Variants in CACNA1C observed in about 807,000 individuals in gnomAD.
The protein encoded by CACNA1C is calcium voltage-gated channel subunit alpha1 C, also known as voltage-dependent L-type calcium channel subunit alpha-1C.
A neutral mutation model predicts 229.0 loss-of-function variants in CACNA1C; 30 were observed. The observed-to-expected ratio is 0.13, with a 90% CI of 0.10 to 0.18. The LOEUF (loss-of-function observed/expected upper bound fraction) is 0.18, where lower values mean the gene tolerates loss of function less well. CACNA1C is among the 10% of genes least tolerant of loss of function. The pLI is 1.00. For missense variants in CACNA1C, 1,658 were observed against 2,845.0 expected (o/e 0.58, Z 9.49); for synonymous variants, 1,114 against 1,132.5 (o/e 0.98, Z 0.33).
chr12:2,267,597 G>A (rs1433446377), intron 3 of CACNA1C, among the ~76,000 whole-genome samples: 1 of 152,178 alleles, frequency 6.6e-6, no homozygotes, highest in Non-Finnish European at 1.5e-5. Flanking sequence ...GGCTGAGAGG[G>A]AGAAAGAACC....
rs1203708660 is a variant in CACNA1C at position 2,695,203 on chromosome 12, A to G, written c.*4004A>G. 1 of 152,188 alleles carries G rather than the reference A, an allele frequency of 6.6e-6. No homozygotes were observed. The highest frequency in any genetic ancestry group is 6.5e-5 in the Admixed American group (1 of 15,286). The allele number at this position is 152,188 out of a possible 1,614,324, so 9.4% of individuals were successfully genotyped here. On this transcript the variant is annotated 3_prime_UTR_variant, in exon 47 of 47. Coordinates refer to ENST00000399655, the MANE Select transcript of CACNA1C (RefSeq NM_000719.7). ...AGGAGAATGGAGGCAAGAAAAGGGC[A>G]TATTTTGACTCCCTCTGTGCCTCTT... is the stretch of plus-strand genomic sequence containing the variant.
At chr12:2,136,054 G>A (rs931936819) in intron 3 of CACNA1C, among the ~76,000 whole-genome samples, 12 of 150,948 alleles carry the variant, frequency 7.9e-5, no homozygotes, top group African/African-American at 1.9e-4. Flanking sequence ...TATTCGGGTG[G>A]GAGTGACCCA....
At chr12:2,167,431 G>C (rs2096283614) in intron 3 of CACNA1C, among the ~76,000 whole-genome samples, 1 of 152,192 alleles carries the variant, frequency 6.6e-6, no homozygotes, top group Admixed American at 6.5e-5. Context: ...TTATATTCTA[G>C]ACATTGTTGA....
rs538035675 is a variant in CACNA1C, at chr12:2,135,833, A to C, written c.477+15403A>C. On this transcript the variant is annotated intron_variant, in intron 3 of 46. Transcript: ENST00000399655. The stretch of plus-strand genomic sequence containing the variant: ...GCCTCCTTGAGCTGTGGTAGGCTCC[A>C]CCCAGTTCGAGCTTCCCGGCTGCTT... Among the ~76,000 whole-genome samples, 479 of 145,698 alleles carry C rather than the reference A, an allele frequency of 3.3e-3. 27 individuals are homozygous for C. Among genetic ancestry groups the C allele is most frequent in the East Asian group, 5.9e-3 (30 of 5,068 alleles).
chr12:2,038,171 T>G (rs773442922), intron 1 of CACNA1C, among the ~76,000 whole-genome samples: 1 of 152,210 alleles, frequency 6.6e-6, no homozygotes, highest in Non-Finnish European at 1.5e-5. Context: ...ATAATTCCTA[T>G]GAAGCTGTTA....
At chr12:2,024,088 G>A (rs2046919718) in intron 1 of CACNA1C, among the ~76,000 whole-genome samples, 1 of 152,148 alleles carries the variant, frequency 6.6e-6, no homozygotes, top group Admixed American at 6.5e-5. Flanking sequence ...GTTGAGCTTG[G>A]GTTTCCTTCT....
chr12:2,007,504 T>C (rs1490369232), intron 1 of CACNA1C, among the ~76,000 whole-genome samples: 2 of 152,264 alleles, frequency 1.3e-5, no homozygotes, highest in African/African-American at 2.4e-5. Context: ...TCATGATTTA[T>C]TATTGCTTCT....
Position 2,695,849 on chromosome 12 carries a change from G to A in CACNA1C, c.*4650G>A, listed in dbSNP as rs1191288627. The A allele has an allele frequency of 1.3e-5, 2 of 152,152 alleles. No individual in the cohort carries two copies. The highest frequency in any genetic ancestry group is 2.4e-5 in the African/African-American group (1 of 41,426). 9.4% of individuals were successfully genotyped at this position (152,152 alleles called of 1,614,324 possible). A position where few individuals can be genotyped will look rare whatever the true frequency, so the allele number is the denominator to read the frequency against. ...CCAGATACCAATACAACAGGTGAACGGGTTTCTGCCACATCTCTACATTGA... is the reference window on the plus strand; with the variant it reads ...CCAGATACCAATACAACAGGTGAACAGGTTTCTGCCACATCTCTACATTGA... On this transcript the variant is annotated 3_prime_UTR_variant, in exon 47 of 47. Coordinates refer to ENST00000399655, the MANE Select transcript of CACNA1C (RefSeq NM_000719.7).
chr12:2,194,719 C>T (rs898251474), intron 3 of CACNA1C, among the ~76,000 whole-genome samples: 63 of 152,210 alleles, frequency 4.1e-4, no homozygotes, highest in African/African-American at 1.3e-3. Context: ...TCCAGCAGCT[C>T]GATCCATCTT....
chr12:2,448,895 T>A (rs1462298233), intron 3 of CACNA1C, 81 bp from the exon 4 acceptor site: 5 of 1,212,482 alleles, frequency 4.1e-6, no homozygotes, highest in African/African-American at 1.5e-5. Context: ...TCCACCTACT[T>A]GTGAGATCTA....
chr12:2,658,114 C>T (rs1241604009), intron 34 of CACNA1C, among the ~76,000 whole-genome samples: 7 of 152,068 alleles, frequency 4.6e-5, no homozygotes, highest in Non-Finnish European at 7.4e-5. Flanking sequence ...CAGACTTGAA[C>T]TTATCGAGTT....
intron 34 of CACNA1C, among the ~76,000 whole-genome samples, chr12:2,655,656 C>T (rs999433033): frequency 2.0e-5 from 3 of 152,174 alleles, no homozygotes; most frequent in Non-Finnish European, 4.4e-5. Context: ...CCGTGCTGGG[C>T]GCTTATGTCC....
intron 3 of CACNA1C, among the ~76,000 whole-genome samples, chr12:2,174,138 G>A (rs893928015): frequency 6.6e-5 from 10 of 152,118 alleles, no homozygotes; most frequent in Admixed American, 5.2e-4. Flanking sequence ...AGGGACATGT[G>A]TGGCTTTGCA....
intron 1 of CACNA1C, among the ~76,000 whole-genome samples, chr12:2,008,992 C>T (rs1370708717): frequency 6.6e-6 from 1 of 152,114 alleles, no homozygotes; most frequent in African/African-American, 2.4e-5. Context: ...GTTGCAGGCT[C>T]GATATTAGTA....
Position 2,152,467 on chromosome 12 carries a change from C to T in CACNA1C, c.477+32037C>T, listed in dbSNP as rs568618728. The stretch of plus-strand genomic sequence containing the variant: ...GGCGTGTTGCCGTCATGGTGAGGAG[C>T]CATTTCATATCATGCAGACTAAAAG... On this transcript the variant is annotated intron_variant, in intron 3 of 46. Coordinates refer to ENST00000399655, the MANE Select transcript of CACNA1C (RefSeq NM_000719.7). The surrounding 1 kb of genome is among the most constrained non-coding windows in gnomAD (Gnocchi z 4.2). Among the ~76,000 whole-genome samples the T allele has an allele frequency of 1.3e-5, 2 of 152,278 alleles. No individual in the cohort carries two copies.
chr12:2,614,385 G>A (rs2079373287), intron 29 of CACNA1C: 1 of 152,234 alleles, frequency 6.6e-6, no homozygotes, highest in African/African-American at 2.4e-5. Context: ...TGGCAAGAGG[G>A]GGATAAAGGT....
At chr12:2,112,875 C>T (rs749882492) in intron 1 of CACNA1C, among the ~76,000 whole-genome samples, 1 of 152,182 alleles carries the variant, frequency 6.6e-6, no homozygotes, top group Non-Finnish European at 1.5e-5. Context: ...TTGTCTGTCA[C>T]TGGTGTGATG....
At chr12:2,438,792 A>G (rs1472377724) in intron 3 of CACNA1C, among the ~76,000 whole-genome samples, 3 of 152,096 alleles carry the variant, frequency 2.0e-5, no homozygotes, top group African/African-American at 7.2e-5. Context: ...CAAACAACCC[A>G]TGATGGGGGC....
intron 38 of CACNA1C, among the ~76,000 whole-genome samples, chr12:2,671,037 A>G (rs61907989): frequency 6.7e-6 from 1 of 149,600 alleles, no homozygotes; most frequent in African/African-American, 2.5e-5. Flanking sequence ...TTTTTTTTAA[A>G]TGGAATCTCG....
Sources: gnomAD v4.1 joint callset for allele counts (sites outside exome capture counted in the v4.1 genomes callset) on GRCh38, gnomAD v4.1.1 for gene constraint, Gnocchi (gnomAD v3.1) non-coding constraint, MANE v1.5 for transcripts, NCBI Gene and HGNC (gene_info 2026-07-23, HGNC 2026-07-21) for gene names.